The following ANKIB1 variants were observed in gnomAD, a reference collection of about 807,000 sequenced individuals.
The protein encoded by ANKIB1 is ankyrin repeat and IBR domain containing 1, also known as ankyrin repeat and IBR domain-containing protein 1.
Under a neutral mutation model 122.1 loss-of-function variants are expected in ANKIB1, and 43 were observed. The observed-to-expected ratio is 0.35, with a 90% CI of 0.28 to 0.45. ANKIB1 has a LOEUF of 0.45. Ranked by LOEUF, ANKIB1 falls within the 20% of genes least tolerant of loss-of-function variation. The pLI, the probability that ANKIB1 is intolerant of heterozygous loss-of-function variation, is 1.00. For missense variants in ANKIB1, 992 were observed against 1,329.5 expected (o/e 0.75, Z 3.95); for synonymous variants, 390 against 442.0 (o/e 0.88, Z 1.48).
chr7:92,268,554 T>G (rs1293819407), intron 1 of ANKIB1, among the ~76,000 whole-genome samples: 1 of 152,228 alleles, frequency 6.6e-6, no homozygotes, highest in African/African-American at 2.4e-5. Context: ...CTTGGCTCAC[T>G]GCAACCTCTG....
chr7:92,346,434 C>A (rs1430782331), intron 7 of ANKIB1, among the ~76,000 whole-genome samples: 1 of 152,034 alleles, frequency 6.6e-6, no homozygotes, highest in African/African-American at 2.4e-5. Flanking sequence ...TATCTGTTTT[C>A]CAAATTGGAG....
At chr7:92,363,504 T>A (rs1174974102) in intron 10 of ANKIB1, among the ~76,000 whole-genome samples, 3 of 152,160 alleles carry the variant, frequency 2.0e-5, no homozygotes, top group Admixed American at 6.5e-5. Flanking sequence ...AGGGAAGCAG[T>A]CGGACATTGC....
chr7:92,266,716 A>T (rs1318036657), intron 1 of ANKIB1, among the ~76,000 whole-genome samples: 1 of 152,166 alleles, frequency 6.6e-6, no homozygotes, highest in Non-Finnish European at 1.5e-5. Context: ...CATGGGGGTG[A>T]TACATGCTTA....
chr7:92,324,485 C>T (rs1262849442), intron 4 of ANKIB1, among the ~76,000 whole-genome samples: 1 of 152,144 alleles, frequency 6.6e-6, no homozygotes, highest in Non-Finnish European at 1.5e-5. Flanking sequence ...CCACCCACCT[C>T]GGCCTCCCAA....
intron 4 of ANKIB1, among the ~76,000 whole-genome samples, chr7:92,323,428 C>A (rs1001478976): frequency 1.3e-5 from 2 of 152,030 alleles, no homozygotes; most frequent in Non-Finnish European, 2.9e-5. Context: ...GTGTATTTTT[C>A]CATATCCTAA....
At chr7:92,305,343 C>T (rs546786037) in intron 2 of ANKIB1, among the ~76,000 whole-genome samples, 1 of 152,148 alleles carries the variant, frequency 6.6e-6, no homozygotes. Context: ...TCAAGAGATT[C>T]CCCAGTCCCA....
At chr7:92,329,212 CCCCTCG>C (rs1803101796) in intron 5 of ANKIB1, among the ~76,000 whole-genome samples, 1 of 152,080 alleles carries the variant, frequency 6.6e-6, no homozygotes, top group Admixed American at 6.6e-5. Flanking sequence ...GGTGATCCAC[CCCCTCG>C]CCCTCCCAGA....
chr7:92,290,566 G>A (rs1034659745), intron 1 of ANKIB1, among the ~76,000 whole-genome samples: 4 of 152,094 alleles, frequency 2.6e-5, no homozygotes, highest in African/African-American at 9.7e-5. Context: ...TTAAAATGAA[G>A]AATGGGAATC....
rs1162113763 is a variant in ANKIB1, at chr7:92,309,942, A to AATATAT, written c.486+2302_486+2307dup. Among the ~76,000 whole-genome samples, 43 of 91,776 alleles carry AATATAT rather than the reference A, an allele frequency of 4.7e-4. 2 individuals are homozygous for AATATAT. The highest frequency in any genetic ancestry group is 1.1e-3 in the South Asian group (3 of 2,636). The allele number at this position is 91,776 out of a possible 152,430, so 60.2% of individuals were successfully genotyped here. A position where few individuals can be genotyped will look rare whatever the true frequency, so the allele number is the denominator to read the frequency against. ...TCCATCTAAAAAAAAAAAAAAAAAA[A>AATATAT]ATATATATATATATATATATAAATT... On this transcript the variant is annotated intron_variant, in intron 3 of 19. Coordinates refer to ENST00000265742, the MANE Select transcript of ANKIB1 (RefSeq NM_019004.2).
chr7:92,379,629 A>G (rs191706027), intron 11 of ANKIB1, among the ~76,000 whole-genome samples: 35 of 152,352 alleles, frequency 2.3e-4, no homozygotes, highest in African/African-American at 8.2e-4. Context: ...GTGGAGAAAC[A>G]TGAGTTATTT....
At chr7:92,310,629 G>A (rs933088725) in intron 3 of ANKIB1, among the ~76,000 whole-genome samples, 2 of 152,072 alleles carry the variant, frequency 1.3e-5, no homozygotes, top group Admixed American at 6.6e-5. Flanking sequence ...CTGCAGATAC[G>A]AAAATCCACA....
chr7:92,290,126 C>T (rs1802215177), intron 1 of ANKIB1, among the ~76,000 whole-genome samples: 1 of 152,174 alleles, frequency 6.6e-6, no homozygotes, highest in African/African-American at 2.4e-5. Context: ...CCATCCTCTC[C>T]TTTTCTTGAA....
intron 2 of ANKIB1, among the ~76,000 whole-genome samples, chr7:92,301,012 A>G (rs1307693477): frequency 6.6e-6 from 1 of 152,204 alleles, no homozygotes; most frequent in East Asian, 1.9e-4. Context: ...TCTATGTCGA[A>G]AATGGCAGGA....
intron 5 of ANKIB1, among the ~76,000 whole-genome samples, chr7:92,337,311 A>AG (rs1312628011): frequency 6.6e-6 from 1 of 152,232 alleles, no homozygotes; most frequent in Non-Finnish European, 1.5e-5. Context: ...TTTTAAATTA[A>AG]GAATTAGGCT....
At chr7:92,376,475 G>T (rs1804385108) in intron 11 of ANKIB1, among the ~76,000 whole-genome samples, 1 of 144,652 alleles carries the variant, frequency 6.9e-6, no homozygotes, top group South Asian at 2.2e-4. Context: ...TTGAGACAAA[G>T]TCTCGCTCTT....
intron 10 of ANKIB1, among the ~76,000 whole-genome samples, chr7:92,363,091 AGATGTCACAAGTCACC>A (rs1803987781): frequency 6.6e-6 from 1 of 151,166 alleles, no homozygotes; most frequent in Non-Finnish European, 1.5e-5. Flanking sequence ...TGTTAGCTTG[AGATGTCACAAGTCACC>A]CAATAAATCT....
chr7:92,392,480 T>C (rs1194875195), intron 17 of ANKIB1, among the ~76,000 whole-genome samples, 188 bp downstream of exon 17: 1 of 152,142 alleles, frequency 6.6e-6, no homozygotes, highest in Non-Finnish European at 1.5e-5. Flanking sequence ...GTCACATTGT[T>C]AAATGCATTA....
chr7:92,337,839 G>A (rs1282606969), intron 5 of ANKIB1, among the ~76,000 whole-genome samples: 3 of 152,070 alleles, frequency 2.0e-5, no homozygotes, highest in Non-Finnish European at 4.4e-5. Context: ...GTTATTTATT[G>A]AAATCTAAGT....
rs1204165741 is a variant in ANKIB1 at position 92,247,411 on chromosome 7, C to A, written c.-91+892C>A. 2.0e-5 allele frequency among the ~76,000 whole-genome samples: 3 copies of A among 152,078 alleles called. No homozygotes were observed. In the East Asian group the frequency reaches 5.8e-4, roughly 29 times the overall value. On this transcript the variant is annotated intron_variant, in intron 1 of 19. Transcript: ENST00000265742. Reference sequence around the variant, plus strand: ...TTTGCTTTGTTGCTTTTGAGACAGACGTTTAAAGATCATATTAGATTGTAT... The same window carrying A: ...TTTGCTTTGTTGCTTTTGAGACAGAAGTTTAAAGATCATATTAGATTGTAT...
Sources: allele counts gnomAD v4.1 joint callset (sites outside exome capture counted in the v4.1 genomes callset), GRCh38; gene constraint gnomAD v4.1.1; transcripts MANE v1.5; gene names NCBI Gene and HGNC (gene_info 2026-07-23, HGNC 2026-07-21).